The following CFAP47 variants were observed in gnomAD, a reference collection of about 807,000 sequenced individuals.
The protein encoded by CFAP47 is cilia- and flagella-associated protein 47.
Under a neutral mutation model 148.1 loss-of-function variants are expected in CFAP47, and 29 were observed. The observed-to-expected ratio is 0.20, with a 90% CI of 0.15 to 0.27. The LOEUF is 0.27. Ranked by LOEUF, CFAP47 falls within the 10% of genes least tolerant of loss-of-function variation. The pLI, the probability that CFAP47 is intolerant of heterozygous loss-of-function variation, is 1.00. For synonymous variants in CFAP47, 664 were observed against 577.3 expected, an observed-to-expected ratio of 1.15 and a Z score of -2.15; for missense variants, 1,872 against 1,697.5, an observed-to-expected ratio of 1.10 and a Z score of -1.81.
intron 48 of CFAP47, among the ~76,000 whole-genome samples, chrX:36,238,961 T>A (rs1353716671): frequency 8.9e-6 from 1 of 112,559 alleles, no homozygotes; most frequent in Non-Finnish European, 1.9e-5. Flanking sequence ...TTTTAAATGT[T>A]TTCCTTGTTC....
intron 22 of CFAP47, among the ~76,000 whole-genome samples, chrX:36,020,362 G>A (rs1321824403): frequency 1.8e-5 from 2 of 112,005 alleles, no homozygotes; most frequent in Non-Finnish European, 3.8e-5. Flanking sequence ...TTGGTCTATA[G>A]TGTAGATTAA....
intron 40 of CFAP47, among the ~76,000 whole-genome samples, chrX:36,183,890 C>T (rs978023158): frequency 9.0e-6 from 1 of 111,384 alleles, no homozygotes; most frequent in African/African-American, 3.3e-5. Context: ...AGTACTTTGG[C>T]AATTATTTCT....
intron 47 of CFAP47, among the ~76,000 whole-genome samples, chrX:36,236,321 G>A (rs934321481): frequency 9.8e-5 from 11 of 111,990 alleles, no homozygotes; most frequent in African/African-American, 3.6e-4. Context: ...TGTACAACAT[G>A]CTGAACAAAG....
intron 33 of CFAP47, among the ~76,000 whole-genome samples, chrX:36,119,511 C>G (rs1475013612): frequency 9.0e-6 from 1 of 111,133 alleles, no homozygotes; most frequent in East Asian, 2.8e-4. Context: ...ATTTATTGGC[C>G]TGTAGTTTCC....
intron 27 of CFAP47, among the ~76,000 whole-genome samples, chrX:36,069,115 C>T (rs1311862059): frequency 1.8e-5 from 2 of 110,169 alleles, no homozygotes; most frequent in Non-Finnish European, 3.8e-5. Context: ...GTGTTCTAAC[C>T]ACACTTTTAT....
intron 6 of CFAP47, among the ~76,000 whole-genome samples, chrX:35,952,468 TC>T (rs1205630134): frequency 8.0e-5 from 9 of 112,270 alleles, no homozygotes; most frequent in Non-Finnish European, 1.7e-4. Context: ...TTTTCATAAT[TC>T]CATGAACTTT....
chrX:36,137,528 G>A (rs886268061), intron 33 of CFAP47, among the ~76,000 whole-genome samples: 5 of 110,399 alleles, frequency 4.5e-5, no homozygotes, highest in South Asian at 3.8e-4. Context: ...TTCCTGCCAC[G>A]TGGATGAATT....
rs1556003441 is a variant in CFAP47, at chrX:36,280,574, T to C, written c.7532T>C (p.Leu2511Pro). Reference sequence around the variant, plus strand: ...GAAGACACAGATCAAGATCAAGCCCTCTCCTGTCTTGATTCAATAACAGAA... The same window carrying C: ...GAAGACACAGATCAAGATCAAGCCCCCTCCTGTCTTGATTCAATAACAGAA... ...YEEDTDQDQA[L>P]SCLDSITEQS... Residue 2511 changes from leucine to proline, a missense_variant, in exon 50 of 64, where the codon CTC (leucine) becomes CCC (proline). Coordinates refer to ENST00000378653, the MANE Select transcript of CFAP47 (RefSeq NM_001304548.2). 2.0e-6 allele frequency: 1 copy of C among 509,461 alleles called. No homozygotes were observed. Among genetic ancestry groups the C allele is most frequent in the Non-Finnish European group, 3.5e-6 (1 of 284,406 alleles). The allele number at this position is 509,461 out of a possible 1,213,427, so 42.0% of individuals were successfully genotyped here.
At chrX:36,368,284 A>C (rs1556020729) in intron 62 of CFAP47, among the ~76,000 whole-genome samples, 2 of 111,917 alleles carry the variant, frequency 1.8e-5, no homozygotes, top group East Asian at 5.6e-4. Context: ...AAGAATATTT[A>C]GCTGAAATGT....
chrX:36,348,069 G>A (rs1392902623), intron 57 of CFAP47, 60 bp from the exon 58 acceptor site: 1 of 684,903 alleles, frequency 1.5e-6, no homozygotes, highest in Non-Finnish European at 2.0e-6. Flanking sequence ...ACCTTCTCCT[G>A]TTAAAATTAT....
chrX:36,000,785 A>G (rs1316354232), intron 20 of CFAP47, among the ~76,000 whole-genome samples: 1 of 111,815 alleles, frequency 8.9e-6, no homozygotes, highest in African/African-American at 3.2e-5. Context: ...AGCTATCTCT[A>G]TATGTTTACT....
rs1304570686 is a variant in CFAP47 at position 35,971,706 on chromosome X, T to G, written c.2091T>G (p.Ile697Met). 1.7e-6 allele frequency: 2 copies of G among 1,210,901 alleles called. No individual in the cohort carries two copies. Among genetic ancestry groups the G allele is most frequent in the Non-Finnish European group, 2.2e-6 (2 of 895,111 alleles). Residue 697 changes from isoleucine to methionine, a missense_variant, in exon 12 of 64, where the codon ATT becomes ATG. By Grantham distance (10) the Ile-to-Met change is conservative. Transcript: ENST00000378653. ...AGCTGTCTTCAGCAGCAAATTCAAT[T>G]AGAGCGAATCGATTGTTAACCACCA... ...EEELSSAANS[I>M]RANRLLTTRG...
chrX:36,107,275 A>G (rs192612952), intron 33 of CFAP47, among the ~76,000 whole-genome samples: 88 of 112,494 alleles, frequency 7.8e-4, no homozygotes, highest in African/African-American at 2.6e-3. Flanking sequence ...CAGAAAATTC[A>G]TAAACTTCAG....
chrX:36,007,950 T>C (rs777747445), intron 21 of CFAP47, among the ~76,000 whole-genome samples: 23 of 111,550 alleles, frequency 2.1e-4, no homozygotes, highest in Middle Eastern at 4.7e-3. Context: ...GTCATTATCA[T>C]TGACAGTCAC....
intron 1 of CFAP47, among the ~76,000 whole-genome samples, chrX:35,925,044 A>G (rs1302896121): frequency 2.7e-5 from 3 of 111,594 alleles, no homozygotes; most frequent in Non-Finnish European, 5.6e-5. Context: ...AGTTCCGGTG[A>G]TCTATTGTAC....
At chrX:36,002,606 A>C (rs765558688) in intron 21 of CFAP47, among the ~76,000 whole-genome samples, 21 of 111,281 alleles carry the variant, frequency 1.9e-4, no homozygotes, top group East Asian at 1.4e-3. Context: ...ACCAACCAAC[A>C]AACAAACAAA....
chrX:36,232,865 G>A (rs1331261110), intron 46 of CFAP47, among the ~76,000 whole-genome samples: 3 of 111,821 alleles, frequency 2.7e-5, no homozygotes, highest in Non-Finnish European at 5.6e-5. Context: ...CCTTCATTTC[G>A]TTATGTATCC....
chrX:36,037,381 G>GTTGT (rs1937351253), intron 24 of CFAP47, among the ~76,000 whole-genome samples: 1 of 101,296 alleles, frequency 9.9e-6, no homozygotes, highest in African/African-American at 4.0e-5. Flanking sequence ...GTTGTTGTTG[G>GTTGT]AGATGGAGTC....
intron 15 of CFAP47, among the ~76,000 whole-genome samples, chrX:35,985,165 G>A (rs1936697203): frequency 9.0e-6 from 1 of 111,230 alleles, no homozygotes. Flanking sequence ...GCACTCCTGG[G>A]CTGTGTGCTG....
Sources: gnomAD v4.1 joint callset for allele counts (sites outside exome capture counted in the v4.1 genomes callset) on GRCh38, gnomAD v4.1.1 for gene constraint, MANE v1.5 for transcripts, NCBI Gene and HGNC (gene_info 2026-07-23, HGNC 2026-07-21) for gene names.